The following DNM3 variants were observed in gnomAD, a reference collection of about 807,000 sequenced individuals.
DNM3 encodes the protein dynamin 3.
In DNM3, 47 loss-of-function variants were observed where a neutral mutation model predicts 101.6. The ratio of observed to expected loss-of-function variants is 0.46; its 90% CI spans 0.37 to 0.59. The LOEUF (loss-of-function observed/expected upper bound fraction) is 0.59, where lower values mean the gene tolerates loss of function less well. Among genes scored for constraint, DNM3 ranks in the 20% least tolerant of loss-of-function variants. The pLI, the probability that DNM3 is intolerant of heterozygous loss-of-function variation, is 0.00. For missense variants in DNM3, 849 were observed against 1,085.7 expected (o/e 0.78, Z 3.06); for synonymous variants, 385 against 387.9 (o/e 0.99, Z 0.09).
intron 16 of DNM3, among the ~76,000 whole-genome samples, chr1:172,314,290 C>T (rs899798273): frequency 1.3e-5 from 2 of 152,184 alleles, no homozygotes; most frequent in African/African-American, 2.4e-5. Flanking sequence ...CTCCGGTCTA[C>T]AGCTCCCAGC....
At chr1:171,943,808 A>C (rs1458025743) in intron 2 of DNM3, among the ~76,000 whole-genome samples, 2 of 152,194 alleles carry the variant, frequency 1.3e-5, no homozygotes, top group African/African-American at 4.8e-5. Flanking sequence ...TTTAGCTCAG[A>C]ATAAATATCT....
chr1:172,195,015 A>G (rs370278051), intron 14 of DNM3, among the ~76,000 whole-genome samples: 32 of 151,730 alleles, frequency 2.1e-4, no homozygotes, highest in African/African-American at 7.3e-4. Flanking sequence ...GTTCCTTTCC[A>G]TGTTTAGTGC....
At chr1:171,956,311 G>A (rs2042854377) in intron 2 of DNM3, among the ~76,000 whole-genome samples, 4 of 152,136 alleles carry the variant, frequency 2.6e-5, no homozygotes, top group Admixed American at 2.6e-4. Context: ...GTACCCACTG[G>A]ATAAATACAC....
At chr1:172,233,035 G>A (rs948556570) in intron 14 of DNM3, among the ~76,000 whole-genome samples, 1 of 152,076 alleles carries the variant, frequency 6.6e-6, no homozygotes, top group Non-Finnish European at 1.5e-5. Context: ...AAATAACTAA[G>A]ATCAGAGCAG....
intron 14 of DNM3, among the ~76,000 whole-genome samples, chr1:172,146,521 A>G (rs576791725): frequency 6.6e-6 from 1 of 152,212 alleles, no homozygotes; most frequent in African/African-American, 2.4e-5. Context: ...GACCTATTCA[A>G]TAGTGCTTGC....
At chr1:172,194,103 T>C (rs141468266) in intron 14 of DNM3, among the ~76,000 whole-genome samples, 75,861 of 151,954 alleles carry the variant, frequency 0.5, 20,973 homozygotes, top group African/African-American at 0.74. Flanking sequence ...TAATTCTGCC[T>C]TCATTTCATT....
intron 20 of DNM3, among the ~76,000 whole-genome samples, chr1:172,417,781 CCTT>C (rs1320662047): frequency 6.6e-6 from 1 of 152,126 alleles, no homozygotes; most frequent in Non-Finnish European, 1.5e-5. Context: ...TCTCTTGACA[CCTT>C]CTAATTTACC....
intron 1 of DNM3, among the ~76,000 whole-genome samples, chr1:171,901,112 CAA>C (rs1243053508): frequency 1.2e-4 from 8 of 66,736 alleles, no homozygotes; most frequent in Non-Finnish European, 1.6e-4. Context: ...GACTCTGTCT[CAA>C]AAAAAAAAAA....
At chr1:172,034,676 T>A (rs2048836105) in intron 6 of DNM3, among the ~76,000 whole-genome samples, 2 of 152,138 alleles carry the variant, frequency 1.3e-5, no homozygotes, top group Admixed American at 1.3e-4. Flanking sequence ...ATACTATGTT[T>A]GAAACTAAGA....
intron 15 of DNM3, among the ~76,000 whole-genome samples, chr1:172,255,778 C>G (rs2062372513): frequency 6.6e-6 from 1 of 152,144 alleles, no homozygotes; most frequent in South Asian, 2.1e-4. Flanking sequence ...ATGTTGACCA[C>G]AAGCTGGAAT....
chr1:171,922,570 T>C (rs2040261420), intron 2 of DNM3, among the ~76,000 whole-genome samples: 1 of 152,204 alleles, frequency 6.6e-6, no homozygotes, highest in Admixed American at 6.5e-5. Context: ...ACTTGACCAA[T>C]AGAAGTTAAC....
intron 4 of DNM3, among the ~76,000 whole-genome samples, chr1:172,017,927 T>C (rs2047556010): frequency 6.6e-6 from 1 of 152,180 alleles, no homozygotes; most frequent in Non-Finnish European, 1.5e-5. Context: ...CTTAGAGAAA[T>C]GACCTTTTTA....
intron 4 of DNM3, among the ~76,000 whole-genome samples, chr1:171,993,498 C>CTTTTTTTTTTTTTTT (rs145178902): frequency 7.0e-5 from 9 of 128,692 alleles, no homozygotes; most frequent in African/African-American, 1.8e-4. Flanking sequence ...TTTCAAGATT[C>CTTTTTTTTTTTTTTT]TTTTTTTTTT....
chr1:172,055,348 T>C (rs969882729), intron 10 of DNM3, among the ~76,000 whole-genome samples: 3 of 152,116 alleles, frequency 2.0e-5, no homozygotes, highest in African/African-American at 7.2e-5. Flanking sequence ...GCCTCTGCTA[T>C]TCAAATGCCC....
chr1:172,374,957 A>C (rs1410444531), intron 17 of DNM3, among the ~76,000 whole-genome samples: 1 of 152,110 alleles, frequency 6.6e-6, no homozygotes. Context: ...TGAGCTTTAA[A>C]AGTGCCTGTT....
At chr1:172,000,332 G>A (rs1363435879) in intron 4 of DNM3, among the ~76,000 whole-genome samples, 1 of 152,080 alleles carries the variant, frequency 6.6e-6, no homozygotes, top group Non-Finnish European at 1.5e-5. Flanking sequence ...GGTCAACCAG[G>A]CCTACTGCTT....
In DNM3 at chr1:172,409,153, G is replaced by A; in HGVS notation, c.*1312G>A. ...ATGATTCACATGTAGGAAACAGCCA[G>A]AAGCCAACTGGAATTTTGTGTGCTA... On this transcript the variant is annotated 3_prime_UTR_variant, in exon 21 of 21. Coordinates refer to ENST00000627582, the MANE Select transcript of DNM3 (RefSeq NM_015569.5). 1 of 985,406 alleles carries A rather than the reference G, an allele frequency of 1.0e-6. No individual in the cohort carries two copies. Among genetic ancestry groups the A allele is most frequent in the Non-Finnish European group, 1.2e-6 (1 of 829,910 alleles). The allele number at this position is 985,406 out of a possible 1,614,324, so 61.0% of individuals were successfully genotyped here.
At chr1:172,293,372 C>A (rs1326714776) in intron 15 of DNM3, among the ~76,000 whole-genome samples, 1 of 152,162 alleles carries the variant, frequency 6.6e-6, no homozygotes, top group Non-Finnish European at 1.5e-5. Flanking sequence ...CGCTTAAAAG[C>A]CTTTTACCTA....
chr1:171,894,785 G>A (rs1455982493), intron 1 of DNM3, among the ~76,000 whole-genome samples: 1 of 131,534 alleles, frequency 7.6e-6, no homozygotes, highest in African/African-American at 2.9e-5. Context: ...CCTGCCCTGT[G>A]TCCAAGTGTT....
Sources: allele counts gnomAD v4.1 joint callset (sites outside exome capture counted in the v4.1 genomes callset), GRCh38; gene constraint gnomAD v4.1.1; transcripts MANE v1.5; gene names NCBI Gene and HGNC (gene_info 2026-07-23, HGNC 2026-07-21).